The following SLC30A8 variants were observed in gnomAD, a reference collection of about 807,000 sequenced individuals.
SLC30A8 encodes proton-coupled zinc antiporter SLC30A8.
In SLC30A8, 27 loss-of-function variants were observed where a neutral mutation model predicts 36.9. That is an observed-to-expected ratio of 0.73 (90% confidence interval 0.54 to 1.01). SLC30A8 has a LOEUF of 1.01. Among genes scored for constraint, SLC30A8 ranks in the 50% least tolerant of loss-of-function variants. SLC30A8 has a pLI of 0.00. For missense variants in SLC30A8, 439 were observed against 452.0 expected, an observed-to-expected ratio of 0.97 and a Z score of 0.26; for synonymous variants, 164 against 172.4, an observed-to-expected ratio of 0.95 and a Z score of 0.38.
chr8:117,121,654 G>A (rs927161135), intron 2 of SLC30A8, among the ~76,000 whole-genome samples: 1 of 151,816 alleles, frequency 6.6e-6, no homozygotes, highest in African/African-American at 2.4e-5. Context: ...GAATTGGAGG[G>A]GTACACAAAC....
intron 1 of SLC30A8, among the ~76,000 whole-genome samples, chr8:117,140,139 T>C (rs1334771013): frequency 6.6e-6 from 1 of 152,026 alleles, no homozygotes; most frequent in African/African-American, 2.4e-5. Flanking sequence ...GCTGTACTCA[T>C]AGAAGCTGGC....
chr8:116,977,816 A>G (rs1051657612), intron 1 of SLC30A8, among the ~76,000 whole-genome samples: 2 of 151,972 alleles, frequency 1.3e-5, no homozygotes, highest in Non-Finnish European at 2.9e-5. Flanking sequence ...AGCCTGCTCT[A>G]CCACTTTCTA....
chr8:116,970,066 A>G (rs1814740184), intron 1 of SLC30A8, among the ~76,000 whole-genome samples: 1 of 151,950 alleles, frequency 6.6e-6, no homozygotes. Flanking sequence ...TTCACTTAAA[A>G]CACACATTAC....
intron 1 of SLC30A8, among the ~76,000 whole-genome samples, chr8:116,994,285 T>C (rs923026906): frequency 2.0e-5 from 3 of 152,098 alleles, no homozygotes; most frequent in African/African-American, 7.3e-5. Flanking sequence ...GCCCTGTGAC[T>C]ACATTTTGCT....
At chr8:117,007,387 T>G (rs1470267145) in intron 1 of SLC30A8, among the ~76,000 whole-genome samples, 2 of 152,242 alleles carry the variant, frequency 1.3e-5, no homozygotes, top group African/African-American at 4.8e-5. Flanking sequence ...ATATTGTTTT[T>G]CTGAAGTAGA....
chr8:117,001,368 C>G (rs1306958712), intron 1 of SLC30A8, among the ~76,000 whole-genome samples: 1 of 152,110 alleles, frequency 6.6e-6, no homozygotes, highest in African/African-American at 2.4e-5. Context: ...GAAACTAGGT[C>G]ATTGGTGAAA....
chr8:116,955,871 G>C (rs1423216416), intron 1 of SLC30A8, among the ~76,000 whole-genome samples: 1 of 152,106 alleles, frequency 6.6e-6, no homozygotes, highest in Non-Finnish European at 1.5e-5. Flanking sequence ...CTTGATTTTG[G>C]ACTTCAGGCC....
At chr8:117,012,450 A>G (rs1157724633) in intron 1 of SLC30A8, among the ~76,000 whole-genome samples, 1 of 151,978 alleles carries the variant, frequency 6.6e-6, no homozygotes, top group Non-Finnish European at 1.5e-5. Context: ...ACACATACAG[A>G]CTTTTGTCAT....
chr8:116,996,825 A>G (rs775227891), intron 1 of SLC30A8, among the ~76,000 whole-genome samples: 1 of 152,184 alleles, frequency 6.6e-6, no homozygotes, highest in Non-Finnish European at 1.5e-5. Context: ...GTATTCAGGC[A>G]TTTGGAAAGG....
chr8:117,038,623 TGTA>T (rs1817289608), intron 1 of SLC30A8, among the ~76,000 whole-genome samples: 1 of 152,174 alleles, frequency 6.6e-6, no homozygotes, highest in Non-Finnish European at 1.5e-5. Flanking sequence ...TGGACATAGC[TGTA>T]GAAAAAAATC....
chr8:117,084,223 T>G (rs1426225866), intron 2 of SLC30A8, among the ~76,000 whole-genome samples: 1 of 152,110 alleles, frequency 6.6e-6, no homozygotes, highest in Non-Finnish European at 1.5e-5. Context: ...AGGAGAAGAA[T>G]AAAGAAATTG....
chr8:117,076,381 T>C (rs562908599), intron 2 of SLC30A8, among the ~76,000 whole-genome samples: 1 of 152,332 alleles, frequency 6.6e-6, no homozygotes, highest in African/African-American at 2.4e-5. Flanking sequence ...GGTAATCAGA[T>C]ATGAAATTCA....
chr8:117,078,786 C>T (rs988333314), intron 2 of SLC30A8, among the ~76,000 whole-genome samples: 3 of 151,980 alleles, frequency 2.0e-5, no homozygotes, highest in Non-Finnish European at 4.4e-5. Context: ...ACCTTGGGCG[C>T]AGGTGGTCCT....
chr8:117,034,491 G>C (rs1336186569), intron 1 of SLC30A8, among the ~76,000 whole-genome samples: 1 of 152,140 alleles, frequency 6.6e-6, no homozygotes, highest in Non-Finnish European at 1.5e-5. Flanking sequence ...TAACAACCCT[G>C]TAAGACAGGT....
intron 1 of SLC30A8, among the ~76,000 whole-genome samples, chr8:117,035,277 C>G (rs1817176764): frequency 6.6e-6 from 1 of 152,172 alleles, no homozygotes; most frequent in Admixed American, 6.5e-5. Flanking sequence ...TAGTTACTTC[C>G]AAGATACAGT....
At chr8:116,976,827 T>TTCTTTTC (rs1815043003) in intron 1 of SLC30A8, among the ~76,000 whole-genome samples, 1 of 141,546 alleles carries the variant, frequency 7.1e-6, no homozygotes, top group African/African-American at 3.1e-5. Flanking sequence ...TCTTTCTTTT[T>TTCTTTTC]TTTTTTTTTT....
At chr8:117,134,302 C>T (rs976097792), upstream of SLC30A8, among the ~76,000 whole-genome samples, 2 of 151,948 alleles carry the variant, frequency 1.3e-5, no homozygotes, top group Non-Finnish European at 2.9e-5. Flanking sequence ...CTCCTGTTCT[C>T]CAGTCTGCAC....
chr8:117,080,201 T>C lies in SLC30A8; in HGVS notation c.-226+40943T>C, dbSNP rs115337659. 4.8e-3 allele frequency among the ~76,000 whole-genome samples: 731 copies of C among 152,312 alleles called. 3 individuals are homozygous for C. The highest frequency in any genetic ancestry group is 0.016 in the African/African-American group (675 of 41,576). ...TTACTCTTGTTTTACAAATAATCCA[T>C]GGTCATTATAGAAAAAGTAGAGCAT... On this transcript the variant is annotated intron_variant, in intron 2 of 10. Coordinates refer to the SLC30A8 transcript ENST00000427715.
At chr8:117,040,408 G>A (rs1394373602) in intron 2 of SLC30A8, among the ~76,000 whole-genome samples, 1 of 152,156 alleles carries the variant, frequency 6.6e-6, no homozygotes, top group Non-Finnish European at 1.5e-5. Flanking sequence ...TGATGCACAC[G>A]GGCTTCAGTG....
Sources: allele counts gnomAD v4.1 joint callset (sites outside exome capture counted in the v4.1 genomes callset), GRCh38; gene constraint gnomAD v4.1.1; transcripts MANE v1.5; gene names NCBI Gene and HGNC (gene_info 2026-07-23, HGNC 2026-07-21).